LRP6: variants seen among roughly 807,000 people sequenced by gnomAD.
LRP6 encodes the protein low-density lipoprotein receptor-related protein 6.
In LRP6, 43 loss-of-function variants were observed where a neutral mutation model predicts 184.1. The observed-to-expected ratio is 0.23, with a 90% CI of 0.18 to 0.30. LRP6 has a LOEUF of 0.30. Ranked by LOEUF, LRP6 falls within the 10% of genes least tolerant of loss-of-function variation. LRP6 has a pLI of 1.00. For synonymous variants in LRP6, 719 were observed against 684.9 expected (o/e 1.05, Z -0.78); for missense variants, 1,571 against 2,005.3 (o/e 0.78, Z 4.14).
At position 12,130,774 on chromosome 12, in the gene LRP6, C is replaced by T; in HGVS notation, c.4081+9G>A. ...TTAAGAGTAATTTATAGATCTCAGT[C>T]CTACTTACAACAATCCAGTTCATCT... On this transcript the variant is annotated intron_variant, in intron 19 of 22. Transcript: ENST00000261349. 6.4e-7 allele frequency: 1 copy of T among 1,555,896 alleles called. No homozygotes were observed. Among genetic ancestry groups the T allele is most frequent in the Non-Finnish European group, 8.9e-7 (1 of 1,126,950 alleles).
intron 2 of LRP6, among the ~76,000 whole-genome samples, chr12:12,236,157 G>A (rs1864927589): frequency 6.6e-6 from 1 of 152,034 alleles, no homozygotes; most frequent in Admixed American, 6.6e-5. Context: ...AACCCAGGAG[G>A]CGGAGCTTGC....
chr12:12,149,712 C>G (rs747281694), intron 13 of LRP6, among the ~76,000 whole-genome samples: 1 of 152,118 alleles, frequency 6.6e-6, no homozygotes, highest in Non-Finnish European at 1.5e-5. Flanking sequence ...CTTGAGAAAC[C>G]CTGCTCTAGA....
intron 2 of LRP6, among the ~76,000 whole-genome samples, chr12:12,241,627 G>T (rs1453539403): frequency 6.6e-6 from 1 of 151,968 alleles, no homozygotes; most frequent in Non-Finnish European, 1.5e-5. Flanking sequence ...GGGGAGGGGG[G>T]TTGAATTTAC....
At chr12:12,230,461 T>C (rs545281765) in intron 2 of LRP6, among the ~76,000 whole-genome samples, 47 of 152,300 alleles carry the variant, frequency 3.1e-4, no homozygotes, top group Non-Finnish European at 6.2e-4. Flanking sequence ...TTACAAGATG[T>C]AATTACATAC....
chr12:12,159,108 A>G lies in LRP6; in HGVS notation c.2512T>C (p.Leu838=), dbSNP rs1342311160. The G allele has an allele frequency of 6.2e-7, 1 of 1,614,088 alleles. No individual in the cohort carries two copies. Among genetic ancestry groups the G allele is most frequent in the Non-Finnish European group, 8.5e-7 (1 of 1,180,042 alleles). The change falls in exon 12 of 23, where the codon TTA becomes CTA. Residue 838 remains leucine, a synonymous_variant. Transcript: ENST00000261349. ...TAGATATAATCTTGGTACTGAGTTA[A>G]GCCAAAAGGATGAGGCAAGTCATCT... The part of the protein sequence containing the change: ...IADDLPHPFG[L]TQYQDYIYWT...
rs979881065 is a variant in LRP6 at position 12,187,358 on chromosome 12, C to T, written c.648-239G>A. 6 of 526,044 alleles carry T rather than the reference C, an allele frequency of 1.1e-5. No individual in the cohort carries two copies. In the Admixed American group the frequency reaches 1.9e-4, roughly 16 times the overall value. 32.6% of individuals were successfully genotyped at this position (526,044 alleles called of 1,614,324 possible). ...GGAATAGTCCCTAACTTGGCAGCAG[C>T]CTCAAGTTCAGTACAAGATACCCGG... On this transcript the variant is annotated intron_variant, in intron 3 of 22. Coordinates refer to ENST00000261349, the MANE Select transcript of LRP6 (RefSeq NM_002336.3).
At chr12:12,164,178 A>G (rs2136949640) in intron 9 of LRP6, 95 bp downstream of exon 9, 1 of 1,153,930 alleles carries the variant, frequency 8.7e-7, no homozygotes, top group Non-Finnish European at 1.3e-6. Context: ...TGCCTGTCAA[A>G]CAATGAGGGA....
chr12:12,145,015 A>G (rs1938844685), intron 15 of LRP6, among the ~76,000 whole-genome samples: 1 of 152,174 alleles, frequency 6.6e-6, no homozygotes, highest in Non-Finnish European at 1.5e-5. Context: ...ATACCTATGT[A>G]TCAAACCTGC....
intron 7 of LRP6, among the ~76,000 whole-genome samples, chr12:12,169,294 A>G (rs1402894559): frequency 2.0e-5 from 3 of 152,064 alleles, no homozygotes; most frequent in Non-Finnish European, 2.9e-5. Context: ...ACAGACTACA[A>G]ATAGTCTCAC....
At chr12:12,231,354 C>T (rs1345001856) in intron 2 of LRP6, among the ~76,000 whole-genome samples, 1 of 152,032 alleles carries the variant, frequency 6.6e-6, no homozygotes, top group Non-Finnish European at 1.5e-5. Context: ...AAAGCATGGA[C>T]TCTCAAAGAA....
intron 1 of LRP6, among the ~76,000 whole-genome samples, chr12:12,252,993 A>G (rs904537147): frequency 6.6e-6 from 1 of 152,222 alleles, no homozygotes; most frequent in African/African-American, 2.4e-5. Flanking sequence ...GGCTGGGCGC[A>G]GTTGCTCACA....
intron 1 of LRP6, among the ~76,000 whole-genome samples, chr12:12,252,582 T>C (rs1865350079): frequency 6.6e-6 from 1 of 152,124 alleles, no homozygotes; most frequent in African/African-American, 2.4e-5. Context: ...TTAATCAGAG[T>C]TCTGGTGCTG....
Position 12,229,510 on chromosome 12 carries a change from A to C in LRP6, c.449+14752T>G, listed in dbSNP as rs187825281. 2.8e-4 allele frequency among the ~76,000 whole-genome samples: 43 copies of C among 152,334 alleles called. 1 individual carries two copies. The highest frequency in any genetic ancestry group is 2.7e-3 in the Admixed American group (42 of 15,304). ...CATTTTATTTTAGACTCTTTCAAAA[A>C]ATAAATAATAATTGGTGTGCAAATA... On this transcript the variant is annotated intron_variant, in intron 2 of 22. Coordinates refer to ENST00000261349, the MANE Select transcript of LRP6 (RefSeq NM_002336.3).
intron 4 of LRP6, among the ~76,000 whole-genome samples, chr12:12,184,409 C>CCAAA (rs1863418637): frequency 6.6e-6 from 1 of 151,614 alleles, no homozygotes; most frequent in East Asian, 1.9e-4. Flanking sequence ...AACAAACAAA[C>CCAAA]AAAACCAATA....
chr12:12,200,373 T>C (rs377481107), intron 3 of LRP6, among the ~76,000 whole-genome samples: 1 of 152,200 alleles, frequency 6.6e-6, no homozygotes, highest in African/African-American at 2.4e-5. Flanking sequence ...TCTTCACTTT[T>C]TAGCTTCAAC....
intron 11 of LRP6, 73 bp from the exon 12 acceptor site, chr12:12,159,228 GC>G: frequency 1.8e-6 from 2 of 1,134,480 alleles, no homozygotes; most frequent in Admixed American, 2.1e-5. Flanking sequence ...TGTCTTGCTG[GC>G]AAAAAGAAAA....
intron 1 of LRP6, among the ~76,000 whole-genome samples, chr12:12,253,981 C>A (rs12321417): frequency 0.19 from 28,792 of 151,156 alleles, 3,324 homozygotes; most frequent in African/African-American, 0.32. Flanking sequence ...CCTTCTCTAC[C>A]AAAAAATACA....
chr12:12,153,479 G>A (rs1209212092), intron 12 of LRP6, among the ~76,000 whole-genome samples: 1 of 152,106 alleles, frequency 6.6e-6, no homozygotes, highest in Non-Finnish European at 1.5e-5. Flanking sequence ...TCCACAATTA[G>A]TTGTGGATCT....
intron 1 of LRP6, among the ~76,000 whole-genome samples, chr12:12,246,541 T>G (rs946729175): frequency 7.3e-5 from 11 of 151,548 alleles, no homozygotes; most frequent in Middle Eastern, 3.4e-3. Flanking sequence ...AAAATTAATT[T>G]AAAAAAGTAG....
Sources: allele counts gnomAD v4.1 joint callset (sites outside exome capture counted in the v4.1 genomes callset), GRCh38; gene constraint gnomAD v4.1.1; transcripts MANE v1.5; gene names NCBI Gene and HGNC (gene_info 2026-07-23, HGNC 2026-07-21).